Variants in GARRE1 observed in about 807,000 individuals in gnomAD.
The protein encoded by GARRE1 is granule associated Rac and RHOG effector 1, also known as granule associated Rac and RHOG effector protein 1.
In GARRE1, 49 loss-of-function variants were observed where a neutral mutation model predicts 103.2. The ratio of observed to expected loss-of-function variants is 0.47; its 90% CI spans 0.38 to 0.60. The LOEUF (loss-of-function observed/expected upper bound fraction) is 0.60. Among genes scored for constraint, GARRE1 ranks in the 20% least tolerant of loss-of-function variants. The probability of loss-of-function intolerance (pLI) is 0.00; values close to 1 mark genes in which losing one functional copy is unlikely to be tolerated. For missense variants in GARRE1, 1,199 were observed against 1,370.5 expected, an observed-to-expected ratio of 0.87 and a Z score of 1.98; for synonymous variants, 505 against 532.8, an observed-to-expected ratio of 0.95 and a Z score of 0.72.
At chr19:34,279,452 G>A (rs1265825943) in intron 1 of GARRE1, among the ~76,000 whole-genome samples, 3 of 151,806 alleles carry the variant, frequency 2.0e-5, no homozygotes, top group East Asian at 3.9e-4. Context: ...ACCACGCCTG[G>A]CTATTTTTTT....
rs111623265 is a variant in GARRE1 at position 34,289,307 on chromosome 19, C to T, written c.-795-10372C>T. Among the ~76,000 whole-genome samples, 1,237 of 152,140 alleles carry T rather than the reference C, an allele frequency of 8.1e-3. 9 individuals carry two copies. The highest frequency in any genetic ancestry group is 0.028 in the African/African-American group (1,154 of 41,514). On this transcript the variant is annotated intron_variant, in intron 1 of 13. Coordinates refer to ENST00000299505, the MANE Select transcript of GARRE1 (RefSeq NM_014686.5). ...AATTAGCTGGGCTTGGTGATGCATGCCTGTAGTTCCAGCTACTGTGGAGGC... is the reference window on the plus strand; with the variant it reads ...AATTAGCTGGGCTTGGTGATGCATGTCTGTAGTTCCAGCTACTGTGGAGGC...
chr19:34,301,025 G>C, intron 2 of GARRE1, 57 bp downstream of exon 2: 2 of 1,511,828 alleles, frequency 1.3e-6, no homozygotes, highest in Non-Finnish European at 1.8e-6. Context: ...AGGTAAGTGA[G>C]AATATTGTCT....
Position 34,339,891 on chromosome 19 carries a change from C to T in GARRE1, c.1386C>T (p.Thr462=). Residue 462 remains threonine (T), a synonymous_variant, in exon 9 of 14, where the codon ACC becomes ACT. Coordinates refer to ENST00000299505, the MANE Select transcript of GARRE1 (RefSeq NM_014686.5). ...STWCLKEDPA[T]MSLLQRSLDP... The stretch of plus-strand genomic sequence containing the variant: ...GGTGCCTGAAAGAAGACCCTGCTAC[C>T]ATGTCCCTGCTGCAGAGAAGCCTTG... 1 of 1,614,136 alleles carries T rather than the reference C, an allele frequency of 6.2e-7. No individual in the cohort carries two copies. The highest frequency in any genetic ancestry group is 2.2e-5 in the East Asian group (1 of 44,878).
intron 1 of GARRE1, among the ~76,000 whole-genome samples, chr19:34,263,197 A>T (rs979449204): frequency 6.6e-6 from 1 of 152,144 alleles, no homozygotes; most frequent in Non-Finnish European, 1.5e-5. Flanking sequence ...TGGGTGACAG[A>T]GCAAGATTCC....
rs2073835341 is a variant in GARRE1 at position 34,279,043 on chromosome 19, G to A, written c.-795-20636G>A. 3.3e-5 allele frequency among the ~76,000 whole-genome samples: 5 copies of A among 152,076 alleles called. No homozygotes were observed. The South Asian group carries it at 1.0e-3, about 32-fold the overall frequency. ...ATTTGTTTATCTATTCATCTTCCAT[G>A]GACATTTGAATTGTTTCCACCTTTT... On this transcript the variant is annotated intron_variant, in intron 1 of 13. Transcript: ENST00000299505.
At chr19:34,340,894 A>G (rs932273489) in intron 9 of GARRE1, among the ~76,000 whole-genome samples, 4 of 152,210 alleles carry the variant, frequency 2.6e-5, no homozygotes, top group African/African-American at 9.6e-5. Context: ...CACAGCCTTC[A>G]CCTGCCTCAG....
intron 1 of GARRE1, chr19:34,285,137 C>T (rs1432641302): frequency 1.3e-5 from 2 of 152,082 alleles, no homozygotes; most frequent in African/African-American, 4.8e-5. Flanking sequence ...GCATTTTCAA[C>T]ATTTTGTTTC....
At chr19:34,309,352 C>T (rs1277034227) in intron 2 of GARRE1, among the ~76,000 whole-genome samples, 3 of 152,030 alleles carry the variant, frequency 2.0e-5, no homozygotes, top group Non-Finnish European at 4.4e-5. Flanking sequence ...AGGTTCAAAC[C>T]AAATGTAAAA....
In GARRE1 at chr19:34,262,736, T is replaced by C. The variant is rs78849022; in HGVS notation, c.-796+8122T>C. On this transcript the variant is annotated intron_variant, in intron 1 of 13. Transcript: ENST00000299505. ...TCTGACTTCATGAAAAACCACGAAG[T>C]TAAAATGTAAAAATATTTATATCTT... 3.7e-3 allele frequency among the ~76,000 whole-genome samples: 566 copies of C among 152,274 alleles called. 3 individuals are homozygous for C. Among genetic ancestry groups the C allele is most frequent in the African/African-American group, 0.013 (545 of 41,566 alleles).
intron 1 of GARRE1, among the ~76,000 whole-genome samples, chr19:34,283,185 T>C (rs1459728705): frequency 1.3e-5 from 2 of 152,238 alleles, no homozygotes; most frequent in East Asian, 3.8e-4. Flanking sequence ...CTAAAATTAT[T>C]CTCTGTATTC....
At chr19:34,290,707 T>C (rs1055653647) in intron 1 of GARRE1, among the ~76,000 whole-genome samples, 2 of 151,930 alleles carry the variant, frequency 1.3e-5, no homozygotes, top group Non-Finnish European at 2.9e-5. Context: ...CGGGCTGGTC[T>C]TGAACTCCTG....
chr19:34,327,432 A>T lies in GARRE1; in HGVS notation c.717A>T (p.Arg239Ser), dbSNP rs373445851. The change falls in exon 4 of 14, where the codon AGA becomes AGT. Residue 239 changes from arginine to serine, a missense_variant. By Grantham distance (110) the Arg-to-Ser change is moderately radical (BLOSUM62 -1). Transcript: ENST00000299505. ...TATATATGTTACAGGCGACATCTAG[A>T]CTAAGAGAAAGAGGCTGTGATGGTT... ...SWRGAAEATS[R>S]LRERGCDGCL... 1.2e-5 allele frequency: 20 copies of T among 1,614,166 alleles called. No individual in the cohort carries two copies. The highest frequency in any genetic ancestry group is 1.5e-5 in the Non-Finnish European group (18 of 1,180,032).
chr19:34,348,375 T>G (rs1421270257), intron 11 of GARRE1: 1 of 216,584 alleles, frequency 4.6e-6, no homozygotes, highest in Non-Finnish European at 9.0e-6. Context: ...CTGAACTGAG[T>G]GTGGCTGCGA....
intron 2 of GARRE1, among the ~76,000 whole-genome samples, chr19:34,302,736 G>GTTTTGTTTTTTTTTTTTTTTTTTTTTAT (rs2073986501): frequency 7.7e-6 from 1 of 129,052 alleles, no homozygotes; most frequent in Non-Finnish European, 1.6e-5. Context: ...GTCTTTGATA[G>GTTTTGTTTTTTTTTTTTTTTTTTTTTAT]TTTTTTTTTT....
chr19:34,351,566 C>T lies in GARRE1; in HGVS notation c.2878C>T (p.Leu960Phe), dbSNP rs772618363. ...DTSTLPSPPL[L>F]TTVEDVNQDN... is the part of the protein sequence containing the mutation. ...CAGCACGCTGCCCTCACCACCTCTC[C>T]TCACCACGGTGGAGGATGTGAACCA... Residue 960 changes from leucine to phenylalanine, a missense_variant, in exon 13 of 14, where the codon CTC becomes TTC. By Grantham distance (22) the Leu-to-Phe change is conservative. Transcript: ENST00000299505. 6.2e-7 allele frequency: 1 copy of T among 1,613,890 alleles called. No homozygotes were observed. Among genetic ancestry groups the T allele is most frequent in the Admixed American group, 1.7e-5 (1 of 60,028 alleles).
At chr19:34,262,359 G>A (rs913183195) in intron 1 of GARRE1, among the ~76,000 whole-genome samples, 4 of 138,900 alleles carry the variant, frequency 2.9e-5, no homozygotes. Flanking sequence ...GCAGTAGTGC[G>A]ATCTCAGCTC....
chr19:34,350,742 C>A (rs1438747383), intron 12 of GARRE1, among the ~76,000 whole-genome samples: 1 of 151,996 alleles, frequency 6.6e-6, no homozygotes, highest in Non-Finnish European at 1.5e-5. Context: ...CCACCATGCC[C>A]GGCTAATTTT....
chr19:34,278,547 C>G (rs2073831788), intron 1 of GARRE1, among the ~76,000 whole-genome samples: 1 of 151,768 alleles, frequency 6.6e-6, no homozygotes, highest in Non-Finnish European at 1.5e-5. Context: ...CTTTTTGTCC[C>G]TAAAAATTTG....
chr19:34,288,804 G>T (rs982555833), intron 1 of GARRE1, among the ~76,000 whole-genome samples: 1 of 152,228 alleles, frequency 6.6e-6, no homozygotes, highest in African/African-American at 2.4e-5. Flanking sequence ...AGCTGAAGAA[G>T]GGCTGCTAGA....
Sources: gnomAD v4.1 joint callset for allele counts (sites outside exome capture counted in the v4.1 genomes callset) on GRCh38, gnomAD v4.1.1 for gene constraint, MANE v1.5 for transcripts, NCBI Gene and HGNC (gene_info 2026-07-23, HGNC 2026-07-21) for gene names.